Variants in VWA5B1 observed in about 807,000 individuals in gnomAD.
The protein encoded by VWA5B1 is von Willebrand factor A domain-containing protein 5B1.
In VWA5B1, 115 loss-of-function variants were observed where a neutral mutation model predicts 118.2. The ratio of observed to expected loss-of-function variants is 0.97; its 90% CI spans 0.84 to 1.14. The LOEUF (loss-of-function observed/expected upper bound fraction) is 1.14. Ranked by LOEUF, VWA5B1 falls within the 50% of genes most tolerant of loss-of-function variation. The pLI is 0.00. For synonymous variants in VWA5B1, 682 were observed against 658.4 expected, an observed-to-expected ratio of 1.04 and a Z score of -0.55; for missense variants, 1,596 against 1,603.8, an observed-to-expected ratio of 1.00 and a Z score of 0.08.
chr1:20,340,584 T>C (rs1207217595), intron 14 of VWA5B1, among the ~76,000 whole-genome samples: 2 of 152,232 alleles, frequency 1.3e-5, no homozygotes, highest in African/African-American at 4.8e-5. Flanking sequence ...AAAAAACTGT[T>C]ACACCTGGTA....
At chr1:20,324,175 G>C (rs2089306195) in intron 8 of VWA5B1, among the ~76,000 whole-genome samples, 1 of 152,096 alleles carries the variant, frequency 6.6e-6, no homozygotes. Context: ...CTTGCCCTTG[G>C]CCATCTGGAA....
chr1:20,337,691 T>G lies in VWA5B1; in HGVS notation c.1988T>G (p.Ile663Ser), dbSNP rs1249873146. ...CGGAGGGCATACAGCACCAACCAGA[T>G]CACCAATCACAAGCCCCTCCCAAGA... ...QRRRAYSTNQITNHKPLPRAT... is the reference protein window; with the variant it reads ...QRRRAYSTNQSTNHKPLPRAT... Residue 663 changes from isoleucine (I) to serine (S), a missense_variant, in exon 14 of 22, where the codon ATC (isoleucine) becomes AGC (serine). Coordinates refer to ENST00000289815, the MANE Select transcript of VWA5B1 (RefSeq NM_001039500.3). 3 of 1,551,410 alleles carry G rather than the reference T, an allele frequency of 1.9e-6. No individual in the cohort carries two copies. The highest frequency in any genetic ancestry group is 2.6e-6 in the Non-Finnish European group (3 of 1,146,974).
chr1:20,328,812 A>G (rs2089462392), intron 9 of VWA5B1, among the ~76,000 whole-genome samples: 1 of 152,192 alleles, frequency 6.6e-6, no homozygotes, highest in Non-Finnish European at 1.5e-5. Flanking sequence ...GTACATATCA[A>G]AAACAAATTT....
At chr1:20,321,455 C>T (rs1019802919) in intron 7 of VWA5B1, among the ~76,000 whole-genome samples, 3 of 152,152 alleles carry the variant, frequency 2.0e-5, no homozygotes, top group Non-Finnish European at 4.4e-5. Context: ...CTTGGTGGCG[C>T]ATGCCTGTCA....
intron 13 of VWA5B1, 91 bp downstream of exon 13, chr1:20,336,577 C>CAG: frequency 7.9e-6 from 10 of 1,262,736 alleles, no homozygotes; most frequent in Non-Finnish European, 1.0e-5. Flanking sequence ...GAATAGTTAG[C>CAG]AGCTGCAGAG....
chr1:20,295,456 C>T (rs758094361), intron 1 of VWA5B1, among the ~76,000 whole-genome samples: 27 of 152,158 alleles, frequency 1.8e-4, no homozygotes, highest in Admixed American at 6.5e-5. Context: ...GAAATCTCAC[C>T]TCTTGAATCC....
chr1:20,337,815 G>C lies in VWA5B1; in HGVS notation c.2112G>C (p.Gln704His). 1.9e-6 allele frequency: 3 copies of C among 1,551,804 alleles called. No homozygotes were observed. The highest frequency in any genetic ancestry group is 2.6e-6 in the Non-Finnish European group (3 of 1,147,018). The change falls in exon 14 of 22, where the codon CAG (glutamine) becomes CAC (histidine). Residue 704 changes from glutamine to histidine, a missense_variant. By Grantham distance (24) the Gln-to-His change is conservative (BLOSUM62 0). Coordinates refer to ENST00000289815, the MANE Select transcript of VWA5B1 (RefSeq NM_001039500.3). The part of the protein sequence containing the change: ...DLTNQTSLDV[Q>H]RWQIDLQPLL... ...CCAACCAGACCAGCCTGGATGTCCA[G>C]CGGTGGCAGATTGATTTGCAGGTAC...
At position 20,318,839 on chromosome 1, in the gene VWA5B1, G is replaced by A. The variant is rs1432929960; in HGVS notation, c.841+118G>A. On this transcript the variant is annotated intron_variant, in intron 6 of 21. Transcript: ENST00000289815. ...GCTAGCTAGCCAGGGAAAGAGTCGG[G>A]GTGGGGGGTGTGGCCAAGGAGAGGA... The A allele has an allele frequency of 2.9e-6, 4 of 1,390,200 alleles. No individual in the cohort carries two copies. In the Middle Eastern group the frequency reaches 1.1e-3, roughly 367 times the overall value. 86.1% of individuals were successfully genotyped at this position (1,390,200 alleles called of 1,614,324 possible).
intron 14 of VWA5B1, among the ~76,000 whole-genome samples, chr1:20,341,099 C>A (rs1362263929): frequency 6.6e-6 from 1 of 152,186 alleles, no homozygotes. Context: ...TCTTGGACGT[C>A]TTTTCACTTT....
rs1483157043 is a variant in VWA5B1, at chr1:20,358,233, C to T, written c.*3970C>T. Among the ~76,000 whole-genome samples the T allele has an allele frequency of 3.9e-5, 6 of 152,316 alleles. No individual in the cohort carries two copies. The highest frequency in any genetic ancestry group is 4.1e-4 in the South Asian group (2 of 4,822). On this transcript the variant is annotated 3_prime_UTR_variant, in exon 22 of 22. Coordinates refer to ENST00000289815, the MANE Select transcript of VWA5B1 (RefSeq NM_001039500.3). ...GAATAGACTAGCTGCTTCCAAGACTCGATTCTGGTGGGCTTTCACCTGCTC... is the reference window on the plus strand; with the variant it reads ...GAATAGACTAGCTGCTTCCAAGACTTGATTCTGGTGGGCTTTCACCTGCTC...
chr1:20,302,080 C>A (rs2088517727), intron 1 of VWA5B1, among the ~76,000 whole-genome samples: 1 of 152,198 alleles, frequency 6.6e-6, no homozygotes, highest in Non-Finnish European at 1.5e-5. Context: ...CAAACAGTCT[C>A]CTAGCTGGAA....
At chr1:20,304,712 A>C (rs922339731) in intron 1 of VWA5B1, among the ~76,000 whole-genome samples, 1 of 152,128 alleles carries the variant, frequency 6.6e-6, no homozygotes, top group Admixed American at 6.5e-5. Flanking sequence ...GAGGATTGCA[A>C]GACTCGCTCA....
chr1:20,319,722 T>G (rs145921971), intron 7 of VWA5B1, among the ~76,000 whole-genome samples: 8,021 of 152,314 alleles, frequency 0.053, 309 homozygotes, highest in Admixed American at 0.087. Flanking sequence ...TCCCGCCTCC[T>G]GCCAGATCAC....
intron 2 of VWA5B1, among the ~76,000 whole-genome samples, chr1:20,311,687 T>C (rs937937881): frequency 5.3e-5 from 8 of 152,294 alleles, no homozygotes; most frequent in Non-Finnish European, 1.0e-4. Flanking sequence ...TCCGCAGTGA[T>C]GGGGCCTCAT....
Position 20,350,176 on chromosome 1 carries a change from G to A in VWA5B1, c.2899G>A (p.Ala967Thr), listed in dbSNP as rs1215903848. ...CCTAGACATGGAGGCAAGTCCCACT[G>A]CTCTCTTCAGCGAGGCCAGGTCCCC... ...PGNDMEASPT[A>T]LFSEARSPGR... The change falls in exon 19 of 22, where the codon GCT becomes ACT. Residue 967 changes from alanine (A) to threonine (T), a missense_variant. Transcript: ENST00000289815. 6.4e-7 allele frequency: 1 copy of A among 1,551,200 alleles called. No individual in the cohort carries two copies. Among genetic ancestry groups the A allele is most frequent in the Admixed American group, 2.0e-5 (1 of 51,004 alleles).
chr1:20,328,254 TG>T (rs1219422250), intron 9 of VWA5B1, among the ~76,000 whole-genome samples: 1 of 152,128 alleles, frequency 6.6e-6, no homozygotes, highest in Non-Finnish European at 1.5e-5. Context: ...AGTGTGTGTG[TG>T]TACAGAAATG....
At chr1:20,345,138 C>T (rs2089979872) in intron 16 of VWA5B1, among the ~76,000 whole-genome samples, 1 of 152,214 alleles carries the variant, frequency 6.6e-6, no homozygotes, top group South Asian at 2.1e-4. Context: ...GTACAAAATA[C>T]AGACAACATA....
At chr1:20,322,110 G>A (rs1309583193) in intron 7 of VWA5B1, among the ~76,000 whole-genome samples, 1 of 152,208 alleles carries the variant, frequency 6.6e-6, no homozygotes, top group Admixed American at 6.5e-5. Flanking sequence ...AGATGTGGAC[G>A]CGTTCTGGCT....
chr1:20,335,501 G>A (rs1570175882), intron 12 of VWA5B1, among the ~76,000 whole-genome samples: 1 of 152,214 alleles, frequency 6.6e-6, no homozygotes, highest in East Asian at 1.9e-4. Flanking sequence ...TAGGGATACT[G>A]ACCCCCTATG....
Sources: allele counts gnomAD v4.1 joint callset (sites outside exome capture counted in the v4.1 genomes callset), GRCh38; gene constraint gnomAD v4.1.1; transcripts MANE v1.5; gene names NCBI Gene and HGNC (gene_info 2026-07-23, HGNC 2026-07-21).